Variants in NPAS3 observed in about 807,000 individuals in gnomAD.
NPAS3 encodes the protein neuronal PAS domain-containing protein 3.
In NPAS3, 14 loss-of-function variants were observed where a neutral mutation model predicts 73.1. The observed-to-expected ratio is 0.19, with a 90% CI of 0.13 to 0.30. The LOEUF is 0.30. Among genes scored for constraint, NPAS3 ranks in the 10% least tolerant of loss-of-function variants. The pLI, the probability that NPAS3 is intolerant of heterozygous loss-of-function variation, is 1.00. For synonymous variants in NPAS3, 620 were observed against 541.5 expected, an observed-to-expected ratio of 1.14 and a Z score of -2.01; for missense variants, 1,096 against 1,250.0, an observed-to-expected ratio of 0.88 and a Z score of 1.86.
Position 33,523,502 on chromosome 14 carries a change from C to T in NPAS3, c.469-36619C>T, listed in dbSNP as rs1032782075. Among the ~76,000 whole-genome samples, 6 of 147,848 alleles carry T rather than the reference C, an allele frequency of 4.1e-5. No homozygotes were observed. The South Asian group carries it at 1.3e-3, about 32-fold the overall frequency. On this transcript the variant is annotated intron_variant, in intron 4 of 11. Transcript: ENST00000356141. ...CCTGGGCCAGGCATGGTGGCTCATGCCTGTAATCCCAGCACTTTGGGAGGC... is the reference window on the plus strand; with the variant it reads ...CCTGGGCCAGGCATGGTGGCTCATGTCTGTAATCCCAGCACTTTGGGAGGC...
At chr14:33,730,618 CA>C (rs1173503164) in intron 6 of NPAS3, among the ~76,000 whole-genome samples, 1 of 152,172 alleles carries the variant, frequency 6.6e-6, no homozygotes, top group East Asian at 1.9e-4. Flanking sequence ...TTGACTAAAG[CA>C]AGCCACGTGA....
In NPAS3 at chr14:33,337,986, G is replaced by T. The variant is rs532521044; in HGVS notation, c.386-29200G>T. ...GAATTTTTTTTTGTAGATTTCTTAGGTTTTTTTTAATGTATAGGAGCATGT... is the reference window on the plus strand; with the variant it reads ...GAATTTTTTTTTGTAGATTTCTTAGTTTTTTTTTAATGTATAGGAGCATGT... On this transcript the variant is annotated intron_variant, in intron 3 of 11. Coordinates refer to ENST00000356141, the Ensembl canonical transcript of NPAS3. Among the ~76,000 whole-genome samples, 304 of 149,162 alleles carry T rather than the reference G, an allele frequency of 2.0e-3. 2 individuals carry two copies. The highest frequency in any genetic ancestry group is 7.1e-3 in the African/African-American group (291 of 40,750).
At chr14:33,581,618 TG>T (rs1459468402) in intron 5 of NPAS3, among the ~76,000 whole-genome samples, 1 of 152,206 alleles carries the variant, frequency 6.6e-6, no homozygotes, top group African/African-American at 2.4e-5. Context: ...TCGCCCAGGC[TG>T]GAGTGCAGTG....
At chr14:33,091,223 CA>C (rs1309913327) in intron 2 of NPAS3, among the ~76,000 whole-genome samples, 7 of 151,918 alleles carry the variant, frequency 4.6e-5, no homozygotes, top group African/African-American at 1.7e-4. Context: ...AAAAGATCAA[CA>C]AAATTGATAG....
intron 1 of NPAS3, among the ~76,000 whole-genome samples, chr14:33,019,619 T>C (rs2039521017): frequency 6.6e-6 from 1 of 152,248 alleles, no homozygotes; most frequent in African/African-American, 2.4e-5. Context: ...TGATTTGCTG[T>C]GTGCATCATT....
intron 4 of NPAS3, among the ~76,000 whole-genome samples, chr14:33,397,651 T>C (rs988302529): frequency 1.3e-5 from 2 of 152,186 alleles, no homozygotes; most frequent in African/African-American, 4.8e-5. Context: ...CTTATTTCAG[T>C]TGGTTCTCCC....
At chr14:33,473,555 A>G (rs1280617345) in intron 4 of NPAS3, among the ~76,000 whole-genome samples, 3 of 152,214 alleles carry the variant, frequency 2.0e-5, no homozygotes, top group Admixed American at 6.5e-5. Flanking sequence ...TAGAGACACA[A>G]AGATGGGCAG....
intron 3 of NPAS3, among the ~76,000 whole-genome samples, chr14:33,232,783 T>C (rs1024075084): frequency 1.3e-5 from 2 of 152,198 alleles, no homozygotes; most frequent in Admixed American, 6.5e-5. Context: ...AGCAAAATTG[T>C]CGAACAGTAG....
At chr14:33,195,559 T>G (rs978521037) in intron 2 of NPAS3, among the ~76,000 whole-genome samples, 1 of 152,224 alleles carries the variant, frequency 6.6e-6, no homozygotes, top group African/African-American at 2.4e-5. Context: ...TGAGCCACCA[T>G]GCCTGGCCAA....
chr14:33,578,402 C>T (rs1326219230), intron 5 of NPAS3: 2 of 359,446 alleles, frequency 5.6e-6, no homozygotes, highest in African/African-American at 4.3e-5. Flanking sequence ...CCATTTTGGT[C>T]AGGGTGGTCT....
intron 4 of NPAS3, among the ~76,000 whole-genome samples, chr14:33,375,375 T>G (rs1433034073): frequency 1.3e-5 from 2 of 152,208 alleles, no homozygotes; most frequent in Admixed American, 1.3e-4. Flanking sequence ...ATTGAGTAAT[T>G]TAGTAACTAA....
intron 5 of NPAS3, among the ~76,000 whole-genome samples, chr14:33,659,041 G>T (rs193180273): frequency 6.6e-6 from 1 of 152,136 alleles, no homozygotes; most frequent in South Asian, 2.1e-4. Context: ...TTTCAATGCC[G>T]TTTTTTCACT....
chr14:33,055,334 A>G (rs959955835), intron 1 of NPAS3, among the ~76,000 whole-genome samples: 1 of 152,190 alleles, frequency 6.6e-6, no homozygotes, highest in Non-Finnish European at 1.5e-5. Context: ...GCCTGTTAAC[A>G]TCTAACCCGT....
intron 4 of NPAS3, among the ~76,000 whole-genome samples, chr14:33,418,434 A>C (rs1271198027): frequency 1.3e-5 from 2 of 151,788 alleles, no homozygotes; most frequent in African/African-American, 4.8e-5. Flanking sequence ...AAGCCAGAAA[A>C]TTTTCACAGA....
At chr14:33,364,624 A>T (rs189874216) in intron 3 of NPAS3, among the ~76,000 whole-genome samples, 1 of 152,264 alleles carries the variant, frequency 6.6e-6, no homozygotes, top group African/African-American at 2.4e-5. Flanking sequence ...GGGGGTACAC[A>T]CTCAGATTTC....
chr14:33,560,427 A>T, intron 5 of NPAS3: 1 of 413,530 alleles, frequency 2.4e-6, no homozygotes, highest in Non-Finnish European at 4.3e-6. Flanking sequence ...TCCGCTCCCC[A>T]CCCCCCAAGG....
At chr14:33,204,454 A>C (rs759300370) in intron 2 of NPAS3, among the ~76,000 whole-genome samples, 2 of 152,146 alleles carry the variant, frequency 1.3e-5, no homozygotes, top group Non-Finnish European at 2.9e-5. Context: ...GATACCATCT[A>C]TTGTGGCAGC....
At chr14:33,611,146 G>T (rs1178111961) in intron 5 of NPAS3, 1 of 152,142 alleles carries the variant, frequency 6.6e-6, no homozygotes. Context: ...AAAAGAAGCC[G>T]ATAGACCTCC....
chr14:33,320,058 T>C (rs996409000), intron 3 of NPAS3, among the ~76,000 whole-genome samples: 5 of 151,962 alleles, frequency 3.3e-5, no homozygotes, highest in African/African-American at 1.2e-4. Flanking sequence ...GGGAAGGAGT[T>C]TGTAGAGGAA....
Sources: gnomAD v4.1 joint callset for allele counts (sites outside exome capture counted in the v4.1 genomes callset) on GRCh38, gnomAD v4.1.1 for gene constraint, MANE v1.5 for transcripts, NCBI Gene and HGNC (gene_info 2026-07-23, HGNC 2026-07-21) for gene names.